The following MAGI1 variants were observed in gnomAD, a reference collection of about 807,000 sequenced individuals.
MAGI1 encodes the protein membrane-associated guanylate kinase, WW and PDZ domain-containing protein 1.
In MAGI1, 58 loss-of-function variants were observed where a neutral mutation model predicts 139.9. That is an observed-to-expected ratio of 0.41 (90% CI 0.34 to 0.52). The LOEUF (loss-of-function observed/expected upper bound fraction) is 0.52. Among genes scored for constraint, MAGI1 ranks in the 20% least tolerant of loss-of-function variants. The pLI is 0.12. For missense variants in MAGI1, 1,874 were observed against 1,901.6 expected (o/e 0.99, Z 0.27); for synonymous variants, 812 against 737.9 (o/e 1.10, Z -1.63).
chr3:65,458,091 A>G (rs182358870), intron 5 of MAGI1, among the ~76,000 whole-genome samples: 88 of 152,082 alleles, frequency 5.8e-4, no homozygotes, highest in African/African-American at 1.9e-3. Flanking sequence ...TAACATAATG[A>G]CCTCCAGTTC....
intron 2 of MAGI1, among the ~76,000 whole-genome samples, chr3:65,530,676 T>C (rs1224672930): frequency 2.2e-5 from 3 of 136,100 alleles, no homozygotes; most frequent in African/African-American, 5.9e-5. Flanking sequence ...TATATATACA[T>C]ATATATATAC....
At chr3:65,507,741 G>C (rs2077358263) in intron 2 of MAGI1, among the ~76,000 whole-genome samples, 1 of 152,080 alleles carries the variant, frequency 6.6e-6, no homozygotes, top group Admixed American at 6.5e-5. Context: ...TCATGTTTCA[G>C]TGAGCAATTA....
chr3:65,408,947 A>G (rs1237856353), intron 12 of MAGI1, among the ~76,000 whole-genome samples: 2 of 152,236 alleles, frequency 1.3e-5, no homozygotes, highest in Admixed American at 6.5e-5. Context: ...TAAACAACTT[A>G]GCAAACAATT....
chr3:65,930,270 A>T (rs1048401088), intron 1 of MAGI1, among the ~76,000 whole-genome samples: 26 of 141,940 alleles, frequency 1.8e-4, no homozygotes, highest in Middle Eastern at 3.8e-3. Context: ...GAGCCGAGAT[A>T]GCGCCACTGC....
chr3:66,030,867 A>T (rs2068551766), intron 1 of MAGI1, among the ~76,000 whole-genome samples: 1 of 152,218 alleles, frequency 6.6e-6, no homozygotes, highest in African/African-American at 2.4e-5. Context: ...CTATTTAATC[A>T]TAAAAGACAC....
At chr3:65,683,948 T>C (rs1167846309) in intron 1 of MAGI1, among the ~76,000 whole-genome samples, 1 of 149,758 alleles carries the variant, frequency 6.7e-6, no homozygotes, top group Non-Finnish European at 1.5e-5. Context: ...GTGGATCACT[T>C]GAGCCCAGGA....
rs1159609464 is a variant in MAGI1 at position 65,664,868 on chromosome 3, T to C, written c.314-42780A>G. ...GTGCTTTTTGATGGTAATTTCTCTG[T>C]TTAAAATGACCTCCAATTGTAGTGC... On this transcript the variant is annotated intron_variant, in intron 1 of 22. Coordinates refer to ENST00000402939, the MANE Select transcript of MAGI1 (RefSeq NM_001033057.2). 2.0e-5 allele frequency among the ~76,000 whole-genome samples: 3 copies of C among 152,202 alleles called. No homozygotes were observed. In the East Asian group the frequency reaches 5.8e-4, roughly 29 times the overall value.
intron 1 of MAGI1, among the ~76,000 whole-genome samples, chr3:65,965,292 C>G (rs900493179): frequency 6.6e-6 from 1 of 152,188 alleles, no homozygotes; most frequent in Non-Finnish European, 1.5e-5. Flanking sequence ...CATATGGGTA[C>G]CACTTCTACT....
At chr3:65,566,415 A>C (rs1439964801) in intron 2 of MAGI1, among the ~76,000 whole-genome samples, 1 of 151,934 alleles carries the variant, frequency 6.6e-6, no homozygotes, top group African/African-American at 2.4e-5. Context: ...GGTGATTTTT[A>C]TGTCTGCTGT....
chr3:65,765,516 A>G (rs1308840696), intron 1 of MAGI1, among the ~76,000 whole-genome samples: 1 of 152,232 alleles, frequency 6.6e-6, no homozygotes, highest in East Asian at 1.9e-4. Flanking sequence ...GAAGTCATTT[A>G]TCCAAAGTCG....
intron 1 of MAGI1, among the ~76,000 whole-genome samples, chr3:65,910,279 G>A (rs2061603217): frequency 6.6e-6 from 1 of 152,186 alleles, no homozygotes; most frequent in African/African-American, 2.4e-5. Flanking sequence ...TTAAGAGATA[G>A]ATATAATTGA....
At chr3:65,867,479 A>G (rs2059769671) in intron 1 of MAGI1, among the ~76,000 whole-genome samples, 1 of 152,184 alleles carries the variant, frequency 6.6e-6, no homozygotes, top group African/African-American at 2.4e-5. Flanking sequence ...TCACGCCTGT[A>G]ATCCTAGCAC....
intron 1 of MAGI1, among the ~76,000 whole-genome samples, chr3:65,801,618 C>T (rs1443406966): frequency 6.6e-6 from 1 of 152,124 alleles, no homozygotes; most frequent in Non-Finnish European, 1.5e-5. Flanking sequence ...AACAGCTCCT[C>T]GACCAATCAC....
At chr3:65,873,231 A>C (rs2059999056) in intron 1 of MAGI1, 3 of 152,162 alleles carry the variant, frequency 2.0e-5, no homozygotes, top group African/African-American at 7.2e-5. Context: ...TGAGAAGGAG[A>C]AGGAGTAGAT....
intron 1 of MAGI1, among the ~76,000 whole-genome samples, chr3:65,880,306 T>C (rs1171381281): frequency 6.6e-6 from 1 of 152,046 alleles, no homozygotes. Flanking sequence ...GTAGTAATGA[T>C]AACAGTAGTA....
intron 3 of MAGI1, among the ~76,000 whole-genome samples, chr3:65,491,122 A>C (rs1952001196): frequency 6.6e-6 from 1 of 152,164 alleles, no homozygotes; most frequent in Non-Finnish European, 1.5e-5. Context: ...TATTTTCCTT[A>C]GCTTCTTAGT....
At chr3:65,525,506 G>A (rs1346733635) in intron 2 of MAGI1, among the ~76,000 whole-genome samples, 1 of 152,194 alleles carries the variant, frequency 6.6e-6, no homozygotes, top group Non-Finnish European at 1.5e-5. Context: ...AGTAATCTGA[G>A]AAATGTTCTG....
chr3:65,852,808 C>A (rs570677128), intron 1 of MAGI1, among the ~76,000 whole-genome samples: 11 of 152,040 alleles, frequency 7.2e-5, no homozygotes, highest in Admixed American at 6.5e-4. Context: ...TGGCCAACAA[C>A]AAATTTTAAG....
At chr3:65,866,797 AAC>A (rs1189108637) in intron 1 of MAGI1, among the ~76,000 whole-genome samples, 34 of 151,678 alleles carry the variant, frequency 2.2e-4, no homozygotes, top group African/African-American at 8.2e-4. Context: ...AGGAAAAAAG[AAC>A]AAACAAACAA....
Sources: allele counts gnomAD v4.1 joint callset (sites outside exome capture counted in the v4.1 genomes callset), GRCh38; gene constraint gnomAD v4.1.1; transcripts MANE v1.5; gene names NCBI Gene and HGNC (gene_info 2026-07-23, HGNC 2026-07-21).